Variants in HAPLN1 observed in about 807,000 individuals in gnomAD.
HAPLN1 encodes the protein hyaluronan and proteoglycan link protein 1, also known as Cartilage link protein.
In HAPLN1, 13 loss-of-function variants were observed where a neutral mutation model predicts 36.5. That is an observed-to-expected ratio of 0.36 (90% confidence interval 0.23 to 0.57). HAPLN1 has a LOEUF of 0.57. HAPLN1 is among the 20% of genes least tolerant of loss of function. The probability of loss-of-function intolerance (pLI) is 0.83; values close to 1 mark genes in which losing one functional copy is unlikely to be tolerated. For synonymous variants in HAPLN1, 202 were observed against 169.8 expected (o/e 1.19, Z -1.48); for missense variants, 407 against 439.7 (o/e 0.93, Z 0.66).
At chr5:83,715,992 G>A (rs1006854976) in intron 1 of HAPLN1, among the ~76,000 whole-genome samples, 6 of 152,042 alleles carry the variant, frequency 3.9e-5, no homozygotes, top group African/African-American at 1.4e-4. Context: ...GGATCACATG[G>A]GACTAGCACA....
At position 83,639,873 on chromosome 5, in the gene HAPLN1, T is replaced by C. The variant is rs1749630412; in HGVS notation, c.*1623A>G. The stretch of plus-strand genomic sequence containing the variant: ...ATTACAATATTTTGTCTGAATAATA[T>C]ATGATTATAGTTATGGTTTCATGGA... On this transcript the variant is annotated 3_prime_UTR_variant, in exon 5 of 5. Transcript: ENST00000274341. 6.6e-6 allele frequency: 1 copy of C among 152,118 alleles called. No individual in the cohort carries two copies. The highest frequency in any genetic ancestry group is 2.4e-5 in the African/African-American group (1 of 41,458). The allele number at this position is 152,118 out of a possible 1,614,324, so 9.4% of individuals were successfully genotyped here. A position where few individuals can be genotyped will look rare whatever the true frequency, so the allele number is the denominator to read the frequency against.
intron 1 of HAPLN1, chr5:83,674,477 C>T (rs1363836118): frequency 6.6e-6 from 1 of 152,090 alleles, no homozygotes; most frequent in Non-Finnish European, 1.5e-5. Context: ...TCTTCCCTCC[C>T]AAAAGTTTGT....
intron 3 of HAPLN1, among the ~76,000 whole-genome samples, chr5:83,645,749 T>A (rs1749855515): frequency 2.0e-5 from 3 of 152,164 alleles, no homozygotes; most frequent in Admixed American, 2.0e-4. Context: ...TTATTTTTTT[T>A]CCCTGCCCTT....
At chr5:83,705,080 A>G (rs1054882813) in intron 1 of HAPLN1, among the ~76,000 whole-genome samples, 1 of 152,208 alleles carries the variant, frequency 6.6e-6, no homozygotes, top group Non-Finnish European at 1.5e-5. Context: ...TGCAATAAAT[A>G]AAGAAGTCAA....
In HAPLN1 at chr5:83,644,486, G is replaced by T. The variant is rs374879990; in HGVS notation, c.652C>A (p.Pro218Thr). ...CAGGGCTCTCTGGGCTTTGTGATGG[G>T]ATATTGCACAGAGCCATCACTGAGC... ...GWLSDGSVQY[P>T]ITKPREPCGG... Residue 218 changes from proline (P) to threonine (T), a missense_variant, in exon 4 of 5, where the codon CCC (proline) becomes ACC (threonine). By Grantham distance (38) the Pro-to-Thr change is conservative. Coordinates refer to ENST00000274341, the MANE Select transcript of HAPLN1 (RefSeq NM_001884.4). The T allele has an allele frequency of 1.9e-6, 3 of 1,612,940 alleles. No individual in the cohort carries two copies. Among genetic ancestry groups the T allele is most frequent in the Middle Eastern group, 1.6e-4 (1 of 6,084 alleles).
chr5:83,705,887 GAGGAT>G (rs1254813624), intron 1 of HAPLN1, among the ~76,000 whole-genome samples: 2 of 151,872 alleles, frequency 1.3e-5, no homozygotes, highest in Non-Finnish European at 2.9e-5. Context: ...AAATGACAAA[GAGGAT>G]GTTACCACTG....
intron 1 of HAPLN1, among the ~76,000 whole-genome samples, chr5:83,720,077 C>A (rs1751988448): frequency 6.6e-6 from 1 of 152,160 alleles, no homozygotes; most frequent in African/African-American, 2.4e-5. Flanking sequence ...GAAGCCCAAA[C>A]AAGTTTAGGT....
chr5:83,642,955 A>G (rs904355508), intron 4 of HAPLN1, among the ~76,000 whole-genome samples: 2 of 152,152 alleles, frequency 1.3e-5, no homozygotes, highest in Non-Finnish European at 2.9e-5. Flanking sequence ...CAACATACAC[A>G]TTTACAATGA....
chr5:83,641,459 T>G lies in HAPLN1; in HGVS notation c.*37A>C. The G allele has an allele frequency of 6.5e-7, 1 of 1,527,764 alleles. No individual in the cohort carries two copies. The highest frequency in any genetic ancestry group is 8.8e-7 in the Non-Finnish European group (1 of 1,136,508). The allele number at this position is 1,527,764 out of a possible 1,614,324, so 94.6% of individuals were successfully genotyped here. ...AAAAAAAAACACCTTTCACATGTTC[T>G]TAATGACTTTAAAACTGATGCGCTC... is the stretch of plus-strand genomic sequence containing the variant. On this transcript the variant is annotated 3_prime_UTR_variant, in exon 5 of 5. Transcript: ENST00000274341.
At position 83,641,663 on chromosome 5, in the gene HAPLN1, C is replaced by T. The variant is rs769791026; in HGVS notation, c.898G>A (p.Gly300Arg). The T allele has an allele frequency of 6.2e-6, 10 of 1,614,070 alleles. No individual in the cohort carries two copies. Among genetic ancestry groups the T allele is most frequent in the African/African-American group, 1.3e-5 (1 of 74,918 alleles). Residue 300 changes from glycine (G) to arginine (R), a missense_variant, in exon 5 of 5, where the codon GGA (glycine) becomes AGA (arginine). Gly to Arg is a moderately radical substitution (Grantham distance 125). Coordinates refer to ENST00000274341, the MANE Select transcript of HAPLN1 (RefSeq NM_001884.4). ...GQIFAAWKIL[G>R]YDRCDAGWLA... Reference sequence around the variant, plus strand: ...CAGCCCGCATCACAGCGGTCATATCCGAGAATTTTCCAGGCAGCAAATATC... The same window carrying T: ...CAGCCCGCATCACAGCGGTCATATCTGAGAATTTTCCAGGCAGCAAATATC...
chr5:83,648,789 A>G (rs1400649657), intron 3 of HAPLN1, among the ~76,000 whole-genome samples: 4 of 152,076 alleles, frequency 2.6e-5, no homozygotes, highest in African/African-American at 7.2e-5. Context: ...ATTGATAATG[A>G]AAAAGGTTAA....
At chr5:83,675,890 A>G (rs1317731284) in intron 1 of HAPLN1, among the ~76,000 whole-genome samples, 1 of 152,356 alleles carries the variant, frequency 6.6e-6, no homozygotes, top group African/African-American at 2.4e-5. Flanking sequence ...CACATCTAGT[A>G]AGTGGCAAAG....
chr5:83,668,544 C>T (rs965955877), intron 2 of HAPLN1, among the ~76,000 whole-genome samples: 6 of 152,190 alleles, frequency 3.9e-5, no homozygotes, highest in East Asian at 1.9e-4. Flanking sequence ...GCCAACATTA[C>T]GGAGTGAAAG....
chr5:83,644,343 C>A lies in HAPLN1; in HGVS notation c.775+20G>T. On this transcript the variant is annotated intron_variant, in intron 4 of 4. Transcript: ENST00000274341. ...ATAGTCTGTGAGATAGGAAAGAAGGCAGTACAGTTATTATCTTACCATTGA... is the reference window on the plus strand; with the variant it reads ...ATAGTCTGTGAGATAGGAAAGAAGGAAGTACAGTTATTATCTTACCATTGA... 1.3e-6 allele frequency: 2 copies of A among 1,482,938 alleles called. No homozygotes were observed. Among genetic ancestry groups the A allele is most frequent in the Admixed American group, 4.4e-5 (2 of 45,448 alleles). 91.9% of individuals were successfully genotyped at this position (1,482,938 alleles called of 1,614,324 possible).
intron 2 of HAPLN1, among the ~76,000 whole-genome samples, chr5:83,658,365 A>G (rs1750280526): frequency 6.6e-6 from 1 of 152,154 alleles, no homozygotes; most frequent in East Asian, 1.9e-4. Flanking sequence ...GCTTGATGCA[A>G]TAAGTGTCTA....
intron 1 of HAPLN1, among the ~76,000 whole-genome samples, chr5:83,701,708 CG>C (rs373356910): frequency 1.1e-3 from 170 of 152,200 alleles, no homozygotes; most frequent in African/African-American, 4.0e-3. Flanking sequence ...GAGGCCGAGG[CG>C]GGTGGATCAC....
chr5:83,695,784 A>G (rs941086348), intron 1 of HAPLN1, among the ~76,000 whole-genome samples: 1 of 151,630 alleles, frequency 6.6e-6, no homozygotes, highest in Non-Finnish European at 1.5e-5. Context: ...AATCTGATAA[A>G]GGGCATCTAT....
intron 1 of HAPLN1, among the ~76,000 whole-genome samples, chr5:83,694,889 G>C (rs1357931855): frequency 6.6e-6 from 1 of 152,006 alleles, no homozygotes; most frequent in African/African-American, 2.4e-5. Context: ...AAATTGAAGA[G>C]GAGAGAATAT....
chr5:83,673,290 G>A (rs990608354), intron 2 of HAPLN1, 134 bp downstream of exon 2: 11 of 613,498 alleles, frequency 1.8e-5, no homozygotes, highest in Non-Finnish European at 2.5e-5. Context: ...CAGGGAACAC[G>A]TTCACCAATT....
Sources: allele counts gnomAD v4.1 joint callset (sites outside exome capture counted in the v4.1 genomes callset), GRCh38; gene constraint gnomAD v4.1.1; transcripts MANE v1.5; gene names NCBI Gene and HGNC (gene_info 2026-07-23, HGNC 2026-07-21).